Variants in CALD1 observed in about 807,000 individuals in gnomAD.
The protein encoded by CALD1 is caldesmon 1, also known as caldesmon.
In CALD1, 33 loss-of-function variants were observed where a neutral mutation model predicts 99.9. The ratio of observed to expected loss-of-function variants is 0.33; its 90% confidence interval spans 0.25 to 0.44. The LOEUF (loss-of-function observed/expected upper bound fraction) is 0.44, where lower values mean the gene tolerates loss of function less well. CALD1 is among the 20% of genes least tolerant of loss of function. The pLI is 1.00. For synonymous variants in CALD1, 310 were observed against 325.0 expected, an observed-to-expected ratio of 0.95 and a Z score of 0.50; for missense variants, 861 against 962.1, an observed-to-expected ratio of 0.89 and a Z score of 1.39.
chr7:134,795,283 G>T (rs1381891026), intron 1 of CALD1, among the ~76,000 whole-genome samples: 1 of 152,092 alleles, frequency 6.6e-6, no homozygotes, highest in East Asian at 1.9e-4. Flanking sequence ...ATGGGGATGG[G>T]TCTCTCCCAT....
intron 1 of CALD1, among the ~76,000 whole-genome samples, chr7:134,771,275 C>CGTCA: frequency 6.6e-6 from 1 of 152,286 alleles, no homozygotes; most frequent in African/African-American, 2.4e-5. Context: ...TTGCATATGA[C>CGTCA]ACTCCCTCCC....
chr7:134,742,016 T>TACACACACACACACAC (rs112633191), upstream of CALD1, among the ~76,000 whole-genome samples: 1,301 of 147,972 alleles, frequency 8.8e-3, 14 homozygotes, highest in African/African-American at 0.026. Flanking sequence ...GAGGTATTGA[T>TACACACACACACACAC]ACACACACAC....
At chr7:134,876,742 G>A (rs1801371334) in intron 3 of CALD1, among the ~76,000 whole-genome samples, 1 of 152,172 alleles carries the variant, frequency 6.6e-6, no homozygotes, top group African/African-American at 2.4e-5. Flanking sequence ...TTGAAACTAA[G>A]TTATGTAGGA....
chr7:134,921,808 C>G (rs184186068), intron 3 of CALD1, among the ~76,000 whole-genome samples: 24 of 151,854 alleles, frequency 1.6e-4, no homozygotes, highest in African/African-American at 5.5e-4. Flanking sequence ...AAAAACAAAA[C>G]AAAACAAAAC....
At chr7:134,803,829 G>A (rs1322629750) in intron 1 of CALD1, among the ~76,000 whole-genome samples, 1 of 151,966 alleles carries the variant, frequency 6.6e-6, no homozygotes, top group Admixed American at 6.6e-5. Context: ...CTGAATAGCT[G>A]GGATTACAGG....
intron 1 of CALD1, among the ~76,000 whole-genome samples, chr7:134,787,334 G>A (rs1246083199): frequency 6.6e-6 from 1 of 152,066 alleles, no homozygotes. Context: ...TCCTTTTCCA[G>A]CCATCATTAC....
At chr7:134,805,208 C>G (rs943045720) in intron 1 of CALD1, among the ~76,000 whole-genome samples, 1 of 152,144 alleles carries the variant, frequency 6.6e-6, no homozygotes, top group Non-Finnish European at 1.5e-5. Context: ...TAATTTCCTT[C>G]TCCTCATTTC....
chr7:134,827,619 G>A (rs932945781), intron 1 of CALD1, among the ~76,000 whole-genome samples: 11 of 152,152 alleles, frequency 7.2e-5, no homozygotes, highest in Admixed American at 1.3e-4. Context: ...AGATGACAAC[G>A]GCAATGGCCC....
intron 1 of CALD1, among the ~76,000 whole-genome samples, chr7:134,800,889 T>C (rs148775964): frequency 0.01 from 1,588 of 152,136 alleles, 16 homozygotes; most frequent in Middle Eastern, 0.028. Flanking sequence ...CTAAAAAGTA[T>C]AATGAATACA....
chr7:134,837,504 G>A (rs1325236255), intron 1 of CALD1, among the ~76,000 whole-genome samples: 1 of 151,948 alleles, frequency 6.6e-6, no homozygotes. Context: ...CACCACACTG[G>A]CTAATTTTTT....
At chr7:134,797,197 CT>C (rs1797778811) in intron 1 of CALD1, among the ~76,000 whole-genome samples, 1 of 152,104 alleles carries the variant, frequency 6.6e-6, no homozygotes, top group South Asian at 2.1e-4. Context: ...ATTACTCAAA[CT>C]GGTTTCGAAC....
At chr7:134,765,471 C>G (rs1215820170) in intron 1 of CALD1, among the ~76,000 whole-genome samples, 14 of 152,158 alleles carry the variant, frequency 9.2e-5, no homozygotes, top group Admixed American at 9.2e-4. Context: ...CTGACATAAT[C>G]CCCACTGCAC....
chr7:134,907,095 G>A (rs1465584771), intron 3 of CALD1, among the ~76,000 whole-genome samples: 1 of 152,112 alleles, frequency 6.6e-6, no homozygotes, highest in Non-Finnish European at 1.5e-5. Context: ...AAAGTGTTCT[G>A]TAAAAAGTTG....
intron 3 of CALD1, among the ~76,000 whole-genome samples, chr7:134,878,507 T>C (rs1801452095): frequency 6.6e-6 from 1 of 152,058 alleles, no homozygotes; most frequent in South Asian, 2.1e-4. Context: ...AGGCAGAGGT[T>C]GCAGTGAGCC....
chr7:134,824,765 G>A (rs886452888), intron 1 of CALD1, among the ~76,000 whole-genome samples: 5 of 152,068 alleles, frequency 3.3e-5, no homozygotes, highest in Non-Finnish European at 7.4e-5. Flanking sequence ...GGAGTTTTCT[G>A]CTTTTTTTCA....
At chr7:134,731,913 A>G in the CALD1 span, among the ~76,000 whole-genome samples, 351 of 152,120 alleles carry the variant, frequency 2.3e-3, 1 homozygote, top group African/African-American at 7.9e-3. Context: ...TGCCACACAC[A>G]TTGTTTATTT....
At chr7:134,750,140 C>G (rs534662333) in intron 1 of CALD1, among the ~76,000 whole-genome samples, 1 of 149,946 alleles carries the variant, frequency 6.7e-6, no homozygotes, top group African/African-American at 2.5e-5. Context: ...ACAAACAAAC[C>G]CTGCAAACTA....
chr7:134,909,207 T>C (rs575158579), intron 3 of CALD1, among the ~76,000 whole-genome samples: 1 of 152,272 alleles, frequency 6.6e-6, no homozygotes, highest in Non-Finnish European at 1.5e-5. Flanking sequence ...TCGAGAAGTT[T>C]AAAAAAAATT....
chr7:134,909,757 C>T (rs1803665999), intron 3 of CALD1, among the ~76,000 whole-genome samples: 1 of 152,148 alleles, frequency 6.6e-6, no homozygotes, highest in African/African-American at 2.4e-5. Flanking sequence ...GAATCCTCAC[C>T]TTAAAACTGA....
Sources: allele counts gnomAD v4.1 joint callset (sites outside exome capture counted in the v4.1 genomes callset), GRCh38; gene constraint gnomAD v4.1.1; transcripts MANE v1.5; gene names NCBI Gene and HGNC (gene_info 2026-07-23, HGNC 2026-07-21).